CACNA2D1: variants seen among roughly 807,000 people sequenced by gnomAD.
CACNA2D1 encodes voltage-dependent calcium channel subunit alpha-2/delta-1.
CACNA2D1 carries 53 observed loss-of-function variants against 171.5 expected under a neutral mutation model. The observed-to-expected ratio is 0.31, with a 90% CI of 0.25 to 0.39. The LOEUF is 0.39. CACNA2D1 is among the 10% of genes least tolerant of loss of function. The pLI, the probability that CACNA2D1 is intolerant of heterozygous loss-of-function variation, is 1.00. For synonymous variants in CACNA2D1, 442 were observed against 443.1 expected (o/e 1.00, Z 0.03); for missense variants, 903 against 1,299.8 (o/e 0.69, Z 4.69).
intron 3 of CACNA2D1, among the ~76,000 whole-genome samples, chr7:82,179,305 A>C (rs2129166150): frequency 6.6e-6 from 1 of 152,168 alleles, no homozygotes; most frequent in Non-Finnish European, 1.5e-5. Context: ...ATCACTGTGG[A>C]GAAGGGAGAG....
chr7:82,076,997 T>G (rs1000424258), intron 7 of CACNA2D1, among the ~76,000 whole-genome samples: 4 of 152,164 alleles, frequency 2.6e-5, no homozygotes, highest in Non-Finnish European at 4.4e-5. Flanking sequence ...TACCTCTTCT[T>G]TTTCAAAATT....
chr7:82,286,301 G>A (rs928625411), intron 3 of CACNA2D1, among the ~76,000 whole-genome samples: 24 of 152,016 alleles, frequency 1.6e-4, no homozygotes, highest in African/African-American at 5.6e-4. Context: ...CCCTGTTGGT[G>A]CTTGTCCTCT....
rs939279361 is a variant in CACNA2D1, at chr7:81,946,710, T to C, written c.*3682A>G. Reference sequence around the variant, plus strand: ...TCCTAAAAGCATGATCCGACACTCATACAACACAACAAAAAAGACAGCTTT... The same window carrying C: ...TCCTAAAAGCATGATCCGACACTCACACAACACAACAAAAAAGACAGCTTT... On this transcript the variant is annotated 3_prime_UTR_variant, in exon 39 of 39. Transcript: ENST00000356860. 1 of 152,032 alleles carries C rather than the reference T, an allele frequency of 6.6e-6. No individual in the cohort carries two copies. Among genetic ancestry groups the C allele is most frequent in the African/African-American group, 2.4e-5 (1 of 41,410 alleles). 9.4% of individuals were successfully genotyped at this position (152,032 alleles called of 1,614,324 possible).
chr7:82,416,084 G>A (rs1168087064), intron 1 of CACNA2D1, among the ~76,000 whole-genome samples: 6 of 151,706 alleles, frequency 4.0e-5, no homozygotes, highest in South Asian at 4.2e-4. Flanking sequence ...TCGTGATGGC[G>A]GGCACCTGTA....
At chr7:82,351,873 C>T (rs995406517) in intron 1 of CACNA2D1, among the ~76,000 whole-genome samples, 2 of 152,062 alleles carry the variant, frequency 1.3e-5, no homozygotes, top group Non-Finnish European at 2.9e-5. Context: ...AGTCCTAGAA[C>T]CTACAAAAAA....
At chr7:81,975,349 T>C (rs1584252845) in intron 24 of CACNA2D1, among the ~76,000 whole-genome samples, 1 of 152,150 alleles carries the variant, frequency 6.6e-6, no homozygotes, top group African/African-American at 2.4e-5. Context: ...TTAAAAAATA[T>C]TTTAAAAAGT....
At chr7:82,218,169 C>T (rs1054153470) in intron 3 of CACNA2D1, among the ~76,000 whole-genome samples, 4 of 151,926 alleles carry the variant, frequency 2.6e-5, no homozygotes, top group Non-Finnish European at 4.4e-5. Flanking sequence ...CTCCTGACCT[C>T]GTGATCCACC....
At chr7:82,288,112 T>A (rs990913169) in intron 3 of CACNA2D1, among the ~76,000 whole-genome samples, 1 of 151,852 alleles carries the variant, frequency 6.6e-6, no homozygotes, top group African/African-American at 2.4e-5. Context: ...AGTGCTGGGA[T>A]TACAGGCGTG....
At chr7:82,436,438 T>C (rs1273232516) in intron 1 of CACNA2D1, among the ~76,000 whole-genome samples, 2 of 152,146 alleles carry the variant, frequency 1.3e-5, no homozygotes, top group Non-Finnish European at 2.9e-5. Flanking sequence ...TTTCCCAGAA[T>C]TTCATAAAAA....
chr7:82,191,804 A>C (rs1219606304), intron 3 of CACNA2D1, among the ~76,000 whole-genome samples: 1 of 151,852 alleles, frequency 6.6e-6, no homozygotes, highest in East Asian at 1.9e-4. Flanking sequence ...AAATCAAAAA[A>C]AGAGAAAAAG....
chr7:82,397,706 C>A (rs1825888831), intron 1 of CACNA2D1, among the ~76,000 whole-genome samples: 2 of 152,114 alleles, frequency 1.3e-5, no homozygotes, highest in Non-Finnish European at 2.9e-5. Flanking sequence ...CATATATTGC[C>A]ATATTAACGA....
At chr7:81,957,836 G>A (rs1793602731) in intron 38 of CACNA2D1, among the ~76,000 whole-genome samples, 1 of 152,006 alleles carries the variant, frequency 6.6e-6, no homozygotes, top group Admixed American at 6.6e-5. Context: ...CCTTTTAATG[G>A]CTTGATCATA....
At chr7:82,346,643 T>A (rs542095234) in intron 2 of CACNA2D1, among the ~76,000 whole-genome samples, 1 of 152,258 alleles carries the variant, frequency 6.6e-6, no homozygotes, top group Admixed American at 6.5e-5. Context: ...TGGGAGGTTT[T>A]AAATTATGCA....
At chr7:82,270,695 T>A (rs1022904701) in intron 3 of CACNA2D1, among the ~76,000 whole-genome samples, 2 of 152,138 alleles carry the variant, frequency 1.3e-5, no homozygotes, top group African/African-American at 4.8e-5. Context: ...AGTTTCTCCA[T>A]ATGCTAGCTC....
At chr7:82,384,281 G>T (rs1824064551) in intron 1 of CACNA2D1, among the ~76,000 whole-genome samples, 1 of 152,176 alleles carries the variant, frequency 6.6e-6, no homozygotes, top group South Asian at 2.1e-4. Context: ...GCCTTTGCAA[G>T]GCAATTAGGG....
intron 3 of CACNA2D1, among the ~76,000 whole-genome samples, chr7:82,311,776 C>T (rs1485464008): frequency 6.6e-6 from 1 of 152,106 alleles, no homozygotes; most frequent in Non-Finnish European, 1.5e-5. Context: ...ACTAGAAAGA[C>T]ATATTTTAAA....
At chr7:82,145,629 T>C (rs1456445876) in intron 4 of CACNA2D1, among the ~76,000 whole-genome samples, 1 of 145,818 alleles carries the variant, frequency 6.9e-6, no homozygotes, top group Non-Finnish European at 1.5e-5. Context: ...TAAAATTACA[T>C]ATAAAAATTT....
At chr7:82,206,743 T>G (rs1433776429) in intron 3 of CACNA2D1, among the ~76,000 whole-genome samples, 2 of 152,186 alleles carry the variant, frequency 1.3e-5, no homozygotes, top group East Asian at 1.9e-4. Context: ...TTTCCAATAG[T>G]GGCATTACTA....
intron 1 of CACNA2D1, among the ~76,000 whole-genome samples, chr7:82,383,928 G>GA (rs1266381665): frequency 6.6e-6 from 1 of 151,838 alleles, no homozygotes; most frequent in African/African-American, 2.4e-5. Flanking sequence ...TTACACATTT[G>GA]AAAAAAACAA....
Sources: gnomAD v4.1 joint callset for allele counts (sites outside exome capture counted in the v4.1 genomes callset) on GRCh38, gnomAD v4.1.1 for gene constraint, MANE v1.5 for transcripts, NCBI Gene and HGNC (gene_info 2026-07-23, HGNC 2026-07-21) for gene names.